DOCK7: variants seen among roughly 807,000 people sequenced by gnomAD.
The protein encoded by DOCK7 is dedicator of cytokinesis protein 7.
A neutral mutation model predicts 271.0 loss-of-function variants in DOCK7; 138 were observed. That is an observed-to-expected ratio of 0.51 (90% CI 0.44 to 0.59). DOCK7 has a LOEUF of 0.59. Among genes scored for constraint, DOCK7 ranks in the 20% least tolerant of loss-of-function variants. The pLI is 0.00. For synonymous variants in DOCK7, 823 were observed against 876.1 expected (o/e 0.94, Z 1.07); for missense variants, 2,066 against 2,592.4 (o/e 0.80, Z 4.41).
intron 24 of DOCK7, 51 bp from the exon 25 acceptor site, chr1:62,542,754 C>T (rs1390286735): frequency 1.3e-6 from 2 of 1,523,252 alleles, no homozygotes; most frequent in Non-Finnish European, 1.8e-6. Flanking sequence ...CTGCTGATAA[C>T]ATAAACCAAA....
At chr1:62,665,683 T>C (rs1571950728) in intron 1 of DOCK7, among the ~76,000 whole-genome samples, 1 of 113,874 alleles carries the variant, frequency 8.8e-6, no homozygotes, top group South Asian at 3.1e-4. Flanking sequence ...GCCACTGCAC[T>C]CCAGCCTGGT....
chr1:62,596,438 T>C (rs1340006551), intron 14 of DOCK7, among the ~76,000 whole-genome samples: 1 of 152,208 alleles, frequency 6.6e-6, no homozygotes, highest in Non-Finnish European at 1.5e-5. Context: ...ATAAGAATAA[T>C]CACTAATATA....
chr1:62,537,002 T>C (rs983433811), intron 28 of DOCK7, among the ~76,000 whole-genome samples: 2 of 152,180 alleles, frequency 1.3e-5, no homozygotes, highest in Non-Finnish European at 2.9e-5. Context: ...GAAAAACCCA[T>C]CAATTTTCAT....
At chr1:62,599,246 T>C (rs1649751150) in intron 14 of DOCK7, among the ~76,000 whole-genome samples, 1 of 152,064 alleles carries the variant, frequency 6.6e-6, no homozygotes, top group African/African-American at 2.4e-5. Context: ...TCACCTCCTC[T>C]ACTCTAGTTA....
chr1:62,685,049 A>T (rs1661575001), intron 1 of DOCK7, among the ~76,000 whole-genome samples: 1 of 152,238 alleles, frequency 6.6e-6, no homozygotes, highest in African/African-American at 2.4e-5. Context: ...ACACTAGGAA[A>T]AGGATTATCA....
At chr1:62,681,362 A>ACATCACACACCACAGGCCC (rs1237802796) in intron 1 of DOCK7, among the ~76,000 whole-genome samples, 1 of 131,782 alleles carries the variant, frequency 7.6e-6, no homozygotes, top group Non-Finnish European at 1.6e-5. Flanking sequence ...TGGAAGGGGA[A>ACATCACACACCACAGGCCC]CATCACACAC....
intron 33 of DOCK7, among the ~76,000 whole-genome samples, chr1:62,511,571 T>C (rs1223270229): frequency 1.3e-5 from 2 of 152,008 alleles, no homozygotes; most frequent in Non-Finnish European, 2.9e-5. Flanking sequence ...GAAAAACAAA[T>C]ACAAAAGAAT....
intron 11 of DOCK7, among the ~76,000 whole-genome samples, chr1:62,629,914 C>A (rs1654411888): frequency 6.6e-6 from 1 of 152,164 alleles, no homozygotes; most frequent in Non-Finnish European, 1.5e-5. Flanking sequence ...ACTGTACATA[C>A]ATTTAAGAAA....
In DOCK7 at chr1:62,604,251, A is replaced by G. The variant is rs145059351; in HGVS notation, c.1682+14455T>C. 307 of 1,612,200 alleles carry G rather than the reference A, an allele frequency of 1.9e-4. 1 individual carries two copies. The African/African-American group carries it at 3.9e-3, about 20-fold the overall frequency. On this transcript the variant is annotated intron_variant, in intron 14 of 49. Transcript: ENST00000635253. ...GGTTATTCAGGTATCTTTTTCTGAT[A>G]CCAATACTTTATTTTCATATCTTCA...
At chr1:62,582,566 AAAAAAAAAAAAAAG>A in intron 16 of DOCK7, among the ~76,000 whole-genome samples, 1 of 148,764 alleles carries the variant, frequency 6.7e-6, no homozygotes, top group Non-Finnish European at 1.5e-5. Context: ...AAAAAAAAAA[AAAAAAAAAAAAAAG>A]ATTATAAAAG....
At chr1:62,616,944 G>A (rs1652511028) in intron 14 of DOCK7, among the ~76,000 whole-genome samples, 1 of 151,490 alleles carries the variant, frequency 6.6e-6, no homozygotes, top group African/African-American at 2.4e-5. Context: ...TTTTATACCT[G>A]GCAAAACTAT....
intron 22 of DOCK7, among the ~76,000 whole-genome samples, chr1:62,551,850 G>T (rs1019899211): frequency 6.6e-6 from 1 of 150,794 alleles, no homozygotes; most frequent in Admixed American, 6.6e-5. Context: ...AGTACATCTT[G>T]AAAAAAGGCA....
At chr1:62,564,389 A>G (rs1190793714) in intron 18 of DOCK7, among the ~76,000 whole-genome samples, 1 of 152,162 alleles carries the variant, frequency 6.6e-6, no homozygotes, top group East Asian at 1.9e-4. Context: ...CAATCAAATT[A>G]GAACTCAGGA....
intron 14 of DOCK7, 70 bp from the exon 15 acceptor site, chr1:62,586,694 C>A: frequency 2.2e-6 from 2 of 913,672 alleles, no homozygotes; most frequent in East Asian, 2.7e-5. Flanking sequence ...TCACAAAATA[C>A]CACAAAATAA....
At chr1:62,522,904 C>T (rs535942402) in intron 31 of DOCK7, among the ~76,000 whole-genome samples, 8 of 151,994 alleles carry the variant, frequency 5.3e-5, no homozygotes, top group African/African-American at 1.4e-4. Context: ...CCATATAAAG[C>T]AATCAACGTT....
In DOCK7 at chr1:62,510,643, C is replaced by T; in HGVS notation, c.4313G>A (p.Ser1438Asn). The T allele has an allele frequency of 6.2e-7, 1 of 1,613,178 alleles. No individual in the cohort carries two copies. ...TTTCCTCCACCTCAAATTTTCTTGA[C>T]TTCCAAAGGCACTTCCAGATGGGCT... ...ERSPSGSAFG[S>N]QENLRWRKDM... Residue 1438 changes from serine (S) to asparagine (N), a missense_variant, in exon 34 of 50, where the codon AGT becomes AAT. Ser to Asn is a conservative substitution (Grantham distance 46). This residue lies in a region of DOCK7 where 652 missense variants were observed against 922.1 expected (regional missense o/e 0.71). Transcript: ENST00000635253.
Position 62,543,566 on chromosome 1 carries a change from A to T in DOCK7, c.2949+90T>A, listed in dbSNP as rs371906720. ...TAAGCACAATGCAATTACTGTAAGT[A>T]TCTCATACTGGTTATGTAAAGAAAT... On this transcript the variant is annotated intron_variant, in intron 24 of 49. Coordinates refer to ENST00000635253, the MANE Select transcript of DOCK7 (RefSeq NM_001367561.1). 16 of 911,920 alleles carry T rather than the reference A, an allele frequency of 1.8e-5. No homozygotes were observed. The South Asian group carries it at 2.8e-4, about 16-fold the overall frequency. The allele number at this position is 911,920 out of a possible 1,614,324, so 56.5% of individuals were successfully genotyped here. A position where few individuals can be genotyped will look rare whatever the true frequency, so the allele number is the denominator to read the frequency against.
At chr1:62,672,812 C>T (rs977143370) in intron 1 of DOCK7, among the ~76,000 whole-genome samples, 1 of 152,084 alleles carries the variant, frequency 6.6e-6, no homozygotes, top group Admixed American at 6.5e-5. Flanking sequence ...AATTCAGATC[C>T]ATAAAGCTCC....
chr1:62,558,047 G>A (rs375056266), intron 20 of DOCK7, among the ~76,000 whole-genome samples: 17 of 152,050 alleles, frequency 1.1e-4, no homozygotes, highest in Admixed American at 5.2e-4. Context: ...TTCTTCAAAG[G>A]CTATTTATTC....
Sources: gnomAD v4.1 joint callset for allele counts (sites outside exome capture counted in the v4.1 genomes callset) on GRCh38, gnomAD v4.1.1 for gene constraint, gnomAD v4.1.1 regional missense constraint, MANE v1.5 for transcripts, NCBI Gene and HGNC (gene_info 2026-07-23, HGNC 2026-07-21) for gene names.